HPSE2: variants seen among roughly 807,000 people sequenced by gnomAD.
The protein encoded by HPSE2 is inactive heparanase-2.
In HPSE2, 38 loss-of-function variants were observed where a neutral mutation model predicts 60.5. The observed-to-expected ratio is 0.63, with a 90% confidence interval of 0.48 to 0.82. HPSE2 has a LOEUF of 0.82. HPSE2 is among the 40% of genes least tolerant of loss of function. The pLI is 0.00. For synonymous variants in HPSE2, 295 were observed against 293.2 expected, an observed-to-expected ratio of 1.01 and a Z score of -0.06; for missense variants, 713 against 740.4, an observed-to-expected ratio of 0.96 and a Z score of 0.43.
At chr10:98,655,535 A>G (rs1456459375) in intron 6 of HPSE2, among the ~76,000 whole-genome samples, 1 of 152,152 alleles carries the variant, frequency 6.6e-6, no homozygotes, top group Non-Finnish European at 1.5e-5. Context: ...TGCAACATCA[A>G]TTCTCTGATG....
intron 9 of HPSE2, among the ~76,000 whole-genome samples, chr10:98,535,455 C>T (rs1007858162): frequency 6.6e-6 from 1 of 152,032 alleles, no homozygotes; most frequent in East Asian, 1.9e-4. Flanking sequence ...GAGGGTGATG[C>T]CAAATCATGG....
intron 9 of HPSE2, among the ~76,000 whole-genome samples, chr10:98,566,615 A>T (rs1944352329): frequency 6.6e-6 from 1 of 152,172 alleles, no homozygotes; most frequent in South Asian, 2.1e-4. Context: ...TTTCTCCAAG[A>T]CTTTGTGCGA....
intron 3 of HPSE2, among the ~76,000 whole-genome samples, chr10:98,978,914 G>A (rs886342648): frequency 9.9e-5 from 15 of 152,168 alleles, no homozygotes; most frequent in African/African-American, 3.1e-4. Context: ...AATTGGAGTC[G>A]CTGGACATGC....
At chr10:99,277,833 C>T in the HPSE2 span, among the ~76,000 whole-genome samples, 1 of 152,098 alleles carries the variant, frequency 6.6e-6, no homozygotes, top group East Asian at 1.9e-4. Context: ...CATGGTGGCT[C>T]ACGCCTGTAA....
At chr10:99,245,952 C>T in the HPSE2 span, among the ~76,000 whole-genome samples, 3 of 152,172 alleles carry the variant, frequency 2.0e-5, no homozygotes, top group Non-Finnish European at 2.9e-5. Flanking sequence ...AATGTACACA[C>T]ATACATATGT....
the HPSE2 span, among the ~76,000 whole-genome samples, chr10:99,285,449 A>C: frequency 1.5e-5 from 2 of 135,062 alleles, no homozygotes; most frequent in African/African-American, 5.9e-5. Context: ...AAAGAAATGC[A>C]AATGAAAGAA....
At chr10:98,475,855 G>A (rs1011778380) in intron 11 of HPSE2, among the ~76,000 whole-genome samples, 30 of 152,276 alleles carry the variant, frequency 2.0e-4, no homozygotes, top group African/African-American at 6.7e-4. Context: ...AAGGGTCTGA[G>A]CACTTTTACA....
intron 9 of HPSE2, among the ~76,000 whole-genome samples, chr10:98,609,087 C>A (rs924377778): frequency 1.4e-4 from 21 of 152,200 alleles, no homozygotes. Flanking sequence ...AGACCCCAAA[C>A]TCTTCTTCCT....
At chr10:98,646,677 C>T (rs1308528189) in intron 6 of HPSE2, among the ~76,000 whole-genome samples, 2 of 152,166 alleles carry the variant, frequency 1.3e-5, no homozygotes, top group Non-Finnish European at 2.9e-5. Flanking sequence ...GTAAAAGGAA[C>T]CACTTATCAA....
chr10:99,245,944 T>C, the HPSE2 span, among the ~76,000 whole-genome samples: 1,714 of 152,292 alleles, frequency 0.011, 26 homozygotes, highest in African/African-American at 0.039. Flanking sequence ...ATGAACTAAA[T>C]GTACACACAT....
chr10:98,598,201 T>C (rs1396605231), intron 9 of HPSE2, among the ~76,000 whole-genome samples: 2 of 152,148 alleles, frequency 1.3e-5, no homozygotes, highest in Non-Finnish European at 2.9e-5. Flanking sequence ...TAAGGACTTA[T>C]TCTATTTGCT....
At chr10:99,148,279 A>C (rs992303142) in intron 2 of HPSE2, among the ~76,000 whole-genome samples, 6 of 152,234 alleles carry the variant, frequency 3.9e-5, no homozygotes, top group African/African-American at 1.4e-4. Flanking sequence ...TTCTAAGATT[A>C]CATTTCTTTA....
At chr10:99,115,035 G>A (rs971704274) in intron 3 of HPSE2, among the ~76,000 whole-genome samples, 1 of 152,054 alleles carries the variant, frequency 6.6e-6, no homozygotes, top group East Asian at 1.9e-4. Flanking sequence ...AGGTTGGAGT[G>A]CAGTGGCAGG....
intron 6 of HPSE2, among the ~76,000 whole-genome samples, chr10:98,654,888 G>C (rs1947017269): frequency 1.3e-5 from 2 of 152,160 alleles, no homozygotes; most frequent in Admixed American, 1.3e-4. Flanking sequence ...GTAGATGCCA[G>C]AGGCTTCAAA....
At chr10:98,636,235 G>GT (rs60736023) in intron 7 of HPSE2, among the ~76,000 whole-genome samples, 2,250 of 147,092 alleles carry the variant, frequency 0.015, 54 homozygotes, top group African/African-American at 0.053. Flanking sequence ...GAATTATCCT[G>GT]TTTTTTTTTT....
intron 9 of HPSE2, among the ~76,000 whole-genome samples, chr10:98,513,422 T>C (rs1238575086): frequency 6.6e-6 from 1 of 152,076 alleles, no homozygotes; most frequent in African/African-American, 2.4e-5. Context: ...AACTAGAGAA[T>C]TGAGTGGAAT....
intron 2 of HPSE2, among the ~76,000 whole-genome samples, chr10:99,168,087 T>TACACACACACACACACACAC (rs56393224): frequency 6.9e-6 from 1 of 144,622 alleles, no homozygotes; most frequent in Non-Finnish European, 1.5e-5. Flanking sequence ...TCAGCCTATT[T>TACACACACACACACACACAC]ACACACACAC....
intron 3 of HPSE2, among the ~76,000 whole-genome samples, chr10:99,067,192 A>T (rs1842644069): frequency 6.6e-6 from 1 of 152,138 alleles, no homozygotes. Flanking sequence ...TTTGCATGGT[A>T]CACCCCACCT....
chr10:99,235,274 A>G (rs1254552280), intron 1 of HPSE2, among the ~76,000 whole-genome samples: 1 of 152,196 alleles, frequency 6.6e-6, no homozygotes, highest in Non-Finnish European at 1.5e-5. Flanking sequence ...CATAACTGAT[A>G]AGTTTCTGAA....
Sources: allele counts gnomAD v4.1 joint callset (sites outside exome capture counted in the v4.1 genomes callset), GRCh38; gene constraint gnomAD v4.1.1; transcripts MANE v1.5; gene names NCBI Gene and HGNC (gene_info 2026-07-23, HGNC 2026-07-21).